Variants in C5orf34 observed in about 807,000 individuals in gnomAD.
The protein encoded by C5orf34 is uncharacterized protein C5orf34.
A neutral mutation model predicts 78.4 loss-of-function variants in C5orf34; 73 were observed. That is an observed-to-expected ratio of 0.93 (90% CI 0.77 to 1.13). The LOEUF (loss-of-function observed/expected upper bound fraction) is 1.13, where lower values mean the gene tolerates loss of function less well. Among genes scored for constraint, C5orf34 ranks in the 50% most tolerant of loss-of-function variants. The probability of loss-of-function intolerance (pLI) is 0.00; values close to 1 mark genes in which losing one functional copy is unlikely to be tolerated. For missense variants in C5orf34, 730 were observed against 732.7 expected, an observed-to-expected ratio of 1.00 and a Z score of 0.04; for synonymous variants, 251 against 246.6, an observed-to-expected ratio of 1.02 and a Z score of -0.17.
chr5:43,511,083 C>A (rs1192332586), intron 1 of C5orf34: 17 of 177,574 alleles, frequency 9.6e-5, no homozygotes, highest in African/African-American at 4.1e-4. Flanking sequence ...AGCGCCTCTG[C>A]CGGGCCGCGA....
rs375537856 is a variant in C5orf34 at position 43,494,472 on chromosome 5, C to G, written c.1244+38G>C. 4.7e-5 allele frequency: 62 copies of G among 1,328,830 alleles called. No homozygotes were observed. The African/African-American group carries it at 8.9e-4, about 19-fold the overall frequency. The allele number at this position is 1,328,830 out of a possible 1,614,324, so 82.3% of individuals were successfully genotyped here. On this transcript the variant is annotated intron_variant, in intron 7 of 12. Transcript: ENST00000306862. ...AAGAAAATGTGCCAAGATGTTTAGA[C>G]ACATAACATTTGATTCAATTGAATG...
chr5:43,497,850 A>T (rs1402243763), intron 6 of C5orf34, among the ~76,000 whole-genome samples: 1 of 152,218 alleles, frequency 6.6e-6, no homozygotes, highest in East Asian at 1.9e-4. Flanking sequence ...AATTAGCGTC[A>T]TTTCAAAATT....
intron 7 of C5orf34, 88 bp from the exon 8 acceptor site, chr5:43,493,700 G>A (rs1410907489): frequency 4.3e-6 from 3 of 697,634 alleles, no homozygotes; most frequent in Admixed American, 2.7e-5. Context: ...CAACATTTTA[G>A]ATGATCAGTA....
At chr5:43,513,627 G>T (rs1746365570) in intron 1 of C5orf34, among the ~76,000 whole-genome samples, 1 of 152,166 alleles carries the variant, frequency 6.6e-6, no homozygotes, top group Non-Finnish European at 1.5e-5. Flanking sequence ...CTTCTACAGG[G>T]CACTTTAGAT....
chr5:43,510,780 T>A (rs913800654), intron 1 of C5orf34, among the ~76,000 whole-genome samples: 4 of 152,220 alleles, frequency 2.6e-5, no homozygotes, highest in Admixed American at 1.3e-4. Context: ...TGGCGTGATC[T>A]CGGCTAGCTA....
intron 5 of C5orf34, among the ~76,000 whole-genome samples, chr5:43,503,415 C>T (rs974287525): frequency 1.3e-5 from 2 of 152,126 alleles, no homozygotes; most frequent in African/African-American, 2.4e-5. Flanking sequence ...CAAACCAATC[C>T]CTCATTGGCT....
chr5:43,509,191 GGTT>G lies in C5orf34; in HGVS notation c.146_148del (p.Gln49del). ...ATGTGTCCTTTGACGAATTCTTTCT[GGTT>G]GTTCTAAAGGATGTGCTGAAACAGG... is the stretch of plus-strand genomic sequence containing the variant. On this transcript the variant is annotated inframe_deletion, in exon 2 of 13. Coordinates refer to ENST00000306862, the MANE Select transcript of C5orf34 (RefSeq NM_198566.4). 1 of 1,613,878 alleles carries G rather than the reference GGTT, an allele frequency of 6.2e-7. No individual in the cohort carries two copies. Among genetic ancestry groups the G allele is most frequent in the Non-Finnish European group, 8.5e-7 (1 of 1,179,934 alleles).
In C5orf34 at chr5:43,508,617, G is replaced by A. The variant is rs770111692; in HGVS notation, c.245C>T (p.Pro82Leu). ...LDFRNSSATCPFLSETIIPSE... is the reference protein window; with the variant it reads ...LDFRNSSATCLFLSETIIPSE... ...AGGTATGATGGTTTCAGATAAAAAA[G>A]GGCAAGTAGCTGAAGAGTTTCGAAA... Residue 82 changes from proline (P) to leucine (L), a missense_variant, in exon 3 of 13, where the codon CCT (proline) becomes CTT (leucine). Transcript: ENST00000306862. The A allele has an allele frequency of 4.7e-5, 76 of 1,611,764 alleles. No individual in the cohort carries two copies. The highest frequency in any genetic ancestry group is 1.7e-4 in the South Asian group (15 of 90,792).
In C5orf34 at chr5:43,486,789, G is replaced by A; in HGVS notation, c.*126C>T. The stretch of plus-strand genomic sequence containing the variant: ...GTTAAAAATACCTTCAAAGTTAAAT[G>A]TCAGTTCTTTCACAATCATTGTGCC... On this transcript the variant is annotated 3_prime_UTR_variant, in exon 13 of 13. Transcript: ENST00000306862. The A allele has an allele frequency of 2.3e-6, 1 of 438,110 alleles. No individual in the cohort carries two copies. The highest frequency in any genetic ancestry group is 4.0e-6 in the Non-Finnish European group (1 of 247,832). 27.1% of individuals were successfully genotyped at this position (438,110 alleles called of 1,614,324 possible).
chr5:43,497,462 T>C (rs1437301509), intron 6 of C5orf34, among the ~76,000 whole-genome samples: 2 of 152,120 alleles, frequency 1.3e-5, no homozygotes, highest in Non-Finnish European at 2.9e-5. Flanking sequence ...AGAGATCTGA[T>C]TTAAACCACC....
intron 1 of C5orf34, among the ~76,000 whole-genome samples, chr5:43,510,634 G>A (rs1341158196): frequency 6.6e-6 from 1 of 152,350 alleles, no homozygotes; most frequent in South Asian, 2.1e-4. Context: ...GTGGAGACGG[G>A]GTTTCGCTGT....
At chr5:43,502,902 G>A (rs907830014) in intron 5 of C5orf34, among the ~76,000 whole-genome samples, 6 of 152,194 alleles carry the variant, frequency 3.9e-5, no homozygotes, top group Non-Finnish European at 8.8e-5. Flanking sequence ...TTATGGATAA[G>A]ATTAGCCGTC....
chr5:43,509,408 A>T (rs1746129222), intron 1 of C5orf34, 33 bp from the exon 2 acceptor site: 4 of 1,271,734 alleles, frequency 3.1e-6, no homozygotes, highest in Non-Finnish European at 4.3e-6. Flanking sequence ...CAGCATAAAT[A>T]GTTCTCTTAA....
Position 43,506,212 on chromosome 5 carries a change from G to C in C5orf34, c.468C>G (p.Asp156Glu). The C allele has an allele frequency of 1.2e-6, 2 of 1,614,132 alleles. No individual in the cohort carries two copies. Among genetic ancestry groups the C allele is most frequent in the Non-Finnish European group, 1.7e-6 (2 of 1,180,032 alleles). ...HFLCKVSQKS[D>E]SSAVLSETNN... ...TTGTTTCTGACAACACTGCAGATGA[G>C]TCTGACTTCTGGCTAACTTTACACA... The change falls in exon 4 of 13, where the codon GAC becomes GAG. Residue 156 changes from aspartate to glutamate, a missense_variant. Physicochemically the swap from Asp to Glu is conservative, Grantham distance 45. Coordinates refer to ENST00000306862, the MANE Select transcript of C5orf34 (RefSeq NM_198566.4).
chr5:43,487,858 A>C, intron 12 of C5orf34, 51 bp downstream of exon 12: 2 of 1,360,982 alleles, frequency 1.5e-6, no homozygotes, highest in East Asian at 2.3e-5. Context: ...AATTAAGCCT[A>C]GAATGAAAGA....
At chr5:43,503,549 G>T in intron 5 of C5orf34, 116 bp downstream of exon 5, 2 of 765,288 alleles carry the variant, frequency 2.6e-6, no homozygotes, top group Non-Finnish European at 4.7e-6. Context: ...GAGCACAGTT[G>T]GCCCAACAGA....
chr5:43,497,034 T>C (rs1745560141), intron 6 of C5orf34, among the ~76,000 whole-genome samples: 1 of 152,216 alleles, frequency 6.6e-6, no homozygotes, highest in South Asian at 2.1e-4. Flanking sequence ...AAAAAAACTA[T>C]TTTAATTGAA....
chr5:43,505,618 T>C (rs1010459379), intron 4 of C5orf34, 130 bp downstream of exon 4: 5 of 840,780 alleles, frequency 5.9e-6, no homozygotes, highest in Non-Finnish European at 9.1e-6. Flanking sequence ...AATTATTTAC[T>C]ATCAGTTAAA....
intron 6 of C5orf34, chr5:43,495,426 T>C (rs1745462722): frequency 1.9e-6 from 3 of 1,611,472 alleles, no homozygotes; most frequent in African/African-American, 1.3e-5. Context: ...TTCAGGATAA[T>C]TACCTGAGCA....
Sources: gnomAD v4.1 joint callset for allele counts (sites outside exome capture counted in the v4.1 genomes callset) on GRCh38, gnomAD v4.1.1 for gene constraint, MANE v1.5 for transcripts, NCBI Gene and HGNC (gene_info 2026-07-23, HGNC 2026-07-21) for gene names.